MTUS2: variants seen among roughly 807,000 people sequenced by gnomAD.
MTUS2 encodes the protein microtubule associated scaffold protein 2, also known as microtubule-associated tumor suppressor candidate 2.
Under a neutral mutation model 114.1 loss-of-function variants are expected in MTUS2, and 40 were observed. The observed-to-expected ratio is 0.35, with a 90% CI of 0.27 to 0.46. MTUS2 has a LOEUF of 0.46. Among genes scored for constraint, MTUS2 ranks in the 20% least tolerant of loss-of-function variants. The pLI, the probability that MTUS2 is intolerant of heterozygous loss-of-function variation, is 1.00. For missense variants in MTUS2, 1,679 were observed against 1,705.4 expected (o/e 0.98, Z 0.27); for synonymous variants, 688 against 672.0 (o/e 1.02, Z -0.37).
chr13:29,460,532 C>T (rs1237093667), intron 9 of MTUS2, among the ~76,000 whole-genome samples: 1 of 152,216 alleles, frequency 6.6e-6, no homozygotes, highest in Non-Finnish European at 1.5e-5. Flanking sequence ...ATCAGAGCTT[C>T]ACTGCAAAAG....
chr13:29,126,777 T>C (rs1049325743), intron 5 of MTUS2, among the ~76,000 whole-genome samples: 7 of 152,178 alleles, frequency 4.6e-5, no homozygotes, highest in African/African-American at 1.7e-4. Flanking sequence ...GACCTTAGAA[T>C]GCCTATGTTG....
chr13:29,326,092 A>G (rs1257094567), intron 7 of MTUS2, among the ~76,000 whole-genome samples: 2 of 152,214 alleles, frequency 1.3e-5, no homozygotes, highest in Non-Finnish European at 2.9e-5. Flanking sequence ...TAAATCTGGA[A>G]TTTCTAAAGG....
intron 5 of MTUS2, among the ~76,000 whole-genome samples, chr13:29,243,582 C>G (rs909166970): frequency 1.3e-5 from 2 of 152,068 alleles, no homozygotes; most frequent in African/African-American, 4.8e-5. Context: ...AGCCTTGAAG[C>G]CTTAGAGCAT....
intron 2 of MTUS2, among the ~76,000 whole-genome samples, chr13:28,957,581 T>C (rs1238605478): frequency 1.3e-5 from 2 of 152,212 alleles, no homozygotes; most frequent in Non-Finnish European, 2.9e-5. Context: ...TTACTAGTAA[T>C]CTAGAGAGGA....
At chr13:28,928,049 G>A (rs9551571) in intron 2 of MTUS2, among the ~76,000 whole-genome samples, 12,956 of 152,122 alleles carry the variant, frequency 0.085, 613 homozygotes, top group South Asian at 0.13. Flanking sequence ...ATATCCATAC[G>A]CAGAAGAATG....
chr13:29,165,305 G>A (rs2139094970), intron 5 of MTUS2, among the ~76,000 whole-genome samples: 1 of 152,228 alleles, frequency 6.6e-6, no homozygotes, highest in Admixed American at 6.5e-5. Context: ...AGCTTGTCTT[G>A]ACCTTCTTAA....
At chr13:29,472,278 TCCCAAA>T (rs1276696018) in intron 9 of MTUS2, among the ~76,000 whole-genome samples, 1 of 152,182 alleles carries the variant, frequency 6.6e-6, no homozygotes, top group Non-Finnish European at 1.5e-5. Flanking sequence ...TGCCTCAGCC[TCCCAAA>T]GTGCTGGGAT....
rs56293634 is a variant in MTUS2, at chr13:29,337,191, G to GA, written c.2905+12492dup. On this transcript the variant is annotated intron_variant, in intron 7 of 15. Coordinates refer to ENST00000612955, the MANE Select transcript of MTUS2 (RefSeq NM_001033602.4). The stretch of plus-strand genomic sequence containing the variant: ...GGTGATCCAGACACCACTGGCATAT[G>GA]AAAAAAAAAAAACTCCTGCAACTAG... Among the ~76,000 whole-genome samples the GA allele has an allele frequency of 1.9e-3, 280 of 149,380 alleles. 3 individuals are homozygous for GA. Among genetic ancestry groups the GA allele is most frequent in the African/African-American group, 6.1e-3 (249 of 40,756 alleles).
At chr13:28,836,637 G>A (rs549961725) in intron 1 of MTUS2, among the ~76,000 whole-genome samples, 1 of 152,230 alleles carries the variant, frequency 6.6e-6, no homozygotes, top group African/African-American at 2.4e-5. Context: ...AAGAGGAGAG[G>A]CCTGAGCTCC....
intron 11 of MTUS2, among the ~76,000 whole-genome samples, chr13:29,491,681 G>A (rs551557658): frequency 1.3e-5 from 2 of 148,482 alleles, no homozygotes; most frequent in East Asian, 2.0e-4. Flanking sequence ...ATTGTGTGTG[G>A]TGTGTGTGGA....
chr13:28,852,548 A>T (rs1248689320), intron 2 of MTUS2, among the ~76,000 whole-genome samples: 1 of 152,122 alleles, frequency 6.6e-6, no homozygotes, highest in African/African-American at 2.4e-5. Flanking sequence ...TCTGAGCAAC[A>T]CTAACTTACA....
intron 5 of MTUS2, among the ~76,000 whole-genome samples, chr13:29,280,930 T>G (rs995994231): frequency 6.6e-6 from 1 of 152,210 alleles, no homozygotes; most frequent in Non-Finnish European, 1.5e-5. Context: ...CAAACAACTT[T>G]GCGTATTTAA....
intron 2 of MTUS2, among the ~76,000 whole-genome samples, chr13:28,964,875 C>A (rs537371512): frequency 1.3e-5 from 2 of 151,776 alleles, no homozygotes; most frequent in Admixed American, 1.3e-4. Flanking sequence ...CCGAGCTCAA[C>A]TCTGCTCATC....
chr13:28,909,527 T>A (rs1880268636), intron 2 of MTUS2, among the ~76,000 whole-genome samples: 1 of 152,138 alleles, frequency 6.6e-6, no homozygotes, highest in African/African-American at 2.4e-5. Flanking sequence ...ATGGGATGTA[T>A]CTGAAAATAA....
At chr13:28,937,913 C>G (rs978830099) in intron 2 of MTUS2, among the ~76,000 whole-genome samples, 1 of 152,146 alleles carries the variant, frequency 6.6e-6, no homozygotes, top group African/African-American at 2.4e-5. Context: ...GGTACCCTCA[C>G]TCCTTTAAAA....
At chr13:29,219,997 CT>C (rs779482115) in intron 5 of MTUS2, among the ~76,000 whole-genome samples, 12,001 of 142,986 alleles carry the variant, frequency 0.084, 569 homozygotes, top group Non-Finnish European at 0.12. Context: ...TGGAACAGCA[CT>C]TTTTTTTTTT....
At chr13:28,911,243 T>C (rs557727381) in intron 2 of MTUS2, among the ~76,000 whole-genome samples, 153 of 149,014 alleles carry the variant, frequency 1.0e-3, no homozygotes, top group Admixed American at 3.3e-3. Context: ...TGGCACGATC[T>C]TGGCTCACTG....
At chr13:28,939,460 C>G (rs763323446) in intron 2 of MTUS2, among the ~76,000 whole-genome samples, 1 of 152,008 alleles carries the variant, frequency 6.6e-6, no homozygotes, top group Non-Finnish European at 1.5e-5. Context: ...TTGCTTTTTG[C>G]AATACTAATT....
chr13:28,896,715 T>C (rs868732537), intron 2 of MTUS2, among the ~76,000 whole-genome samples: 3 of 152,200 alleles, frequency 2.0e-5, no homozygotes, highest in Middle Eastern at 3.4e-3. Flanking sequence ...TATAGACCAA[T>C]GGAACAGAAC....
Sources: gnomAD v4.1 joint callset for allele counts (sites outside exome capture counted in the v4.1 genomes callset) on GRCh38, gnomAD v4.1.1 for gene constraint, MANE v1.5 for transcripts, NCBI Gene and HGNC (gene_info 2026-07-23, HGNC 2026-07-21) for gene names.